The following RUBCN variants were observed in gnomAD, a reference collection of about 807,000 sequenced individuals.
The protein encoded by RUBCN is rubicon autophagy regulator, also known as run domain Beclin-1-interacting and cysteine-rich domain-containing protein.
In RUBCN, 74 loss-of-function variants were observed where a neutral mutation model predicts 113.2. The observed-to-expected ratio is 0.65, with a 90% CI of 0.54 to 0.79. RUBCN has a LOEUF of 0.79. Ranked by LOEUF, RUBCN falls within the 30% of genes least tolerant of loss-of-function variation. The probability of loss-of-function intolerance (pLI) is 0.00; values close to 1 mark genes in which losing one functional copy is unlikely to be tolerated. For missense variants in RUBCN, 1,109 were observed against 1,251.7 expected (o/e 0.89, Z 1.72); for synonymous variants, 480 against 490.0 (o/e 0.98, Z 0.27).
chr3:197,728,345 T>C (rs1017851859), intron 1 of RUBCN, among the ~76,000 whole-genome samples: 2 of 152,252 alleles, frequency 1.3e-5, no homozygotes, highest in Admixed American at 1.3e-4. Flanking sequence ...GGTATGTTTC[T>C]GTAATTTTTG....
At chr3:197,680,038 A>G (rs1380297038) in intron 16 of RUBCN, among the ~76,000 whole-genome samples, 4 of 148,126 alleles carry the variant, frequency 2.7e-5, no homozygotes, top group South Asian at 2.2e-4. Flanking sequence ...AGACTGTCCT[A>G]CGCTCTGACA....
chr3:197,694,372 G>A lies in RUBCN; in HGVS notation c.1684+3C>T, dbSNP rs1437871236. On this transcript the variant is annotated splice_donor_region_variant and intron_variant, in intron 10 of 19. Transcript: ENST00000296343. ...AACAGAAGCATCCACAGGCTCCACT[G>A]ACTTCCGTGCTCAGCCTCCTGGTAC... The A allele has an allele frequency of 6.2e-7, 1 of 1,613,992 alleles. No individual in the cohort carries two copies. The highest frequency in any genetic ancestry group is 8.5e-7 in the Non-Finnish European group (1 of 1,179,830).
At chr3:197,711,920 T>C (rs1210511702) in intron 2 of RUBCN, among the ~76,000 whole-genome samples, 1 of 152,182 alleles carries the variant, frequency 6.6e-6, no homozygotes, top group Non-Finnish European at 1.5e-5. Context: ...ACCTCAATGT[T>C]AGAGTGGTGA....
intron 7 of RUBCN, among the ~76,000 whole-genome samples, chr3:197,700,149 C>T (rs753485885): frequency 3.9e-5 from 6 of 152,200 alleles, no homozygotes; most frequent in Non-Finnish European, 7.3e-5. Context: ...GTTGCTGGAT[C>T]GCATCACCCT....
chr3:197,723,820 C>T (rs796318699), intron 1 of RUBCN, among the ~76,000 whole-genome samples: 13 of 152,234 alleles, frequency 8.5e-5, no homozygotes, highest in African/African-American at 2.4e-4. Flanking sequence ...CCCAGCCAGG[C>T]GCAGTGGCTC....
chr3:197,744,458 A>G (rs1344975634), intron 1 of RUBCN, among the ~76,000 whole-genome samples: 1 of 152,214 alleles, frequency 6.6e-6, no homozygotes, highest in Non-Finnish European at 1.5e-5. Context: ...AAAACTCAGC[A>G]TTTATTCATG....
intron 2 of RUBCN, among the ~76,000 whole-genome samples, chr3:197,715,537 G>A (rs923019222): frequency 2.0e-5 from 3 of 149,898 alleles, no homozygotes; most frequent in Non-Finnish European, 4.4e-5. Context: ...GCACATACTA[G>A]GAGAGCTCTT....
chr3:197,687,671 C>T (rs1023384807), intron 11 of RUBCN, among the ~76,000 whole-genome samples: 10 of 152,214 alleles, frequency 6.6e-5, no homozygotes, highest in Non-Finnish European at 1.3e-4. Context: ...CGGCACCTGC[C>T]GGAAGAGCTT....
chr3:197,712,639 G>C (rs1306442435), intron 2 of RUBCN, among the ~76,000 whole-genome samples: 1 of 152,174 alleles, frequency 6.6e-6, no homozygotes, highest in African/African-American at 2.4e-5. Context: ...GCCTGCAGTT[G>C]CTAAATGTGT....
Position 197,669,022 on chromosome 3 carries a change from G to A in RUBCN, c.*5996C>T, listed in dbSNP as rs1280477096. On this transcript the variant is annotated 3_prime_UTR_variant, in exon 20 of 20. Coordinates refer to ENST00000296343, the MANE Select transcript of RUBCN (RefSeq NM_014687.4). Reference sequence around the variant, plus strand: ...ATGTATTTTTTCTAACCATATTTTTGCATAACTGTAATTATGATGTACATA... The same window carrying A: ...ATGTATTTTTTCTAACCATATTTTTACATAACTGTAATTATGATGTACATA... Among the ~76,000 whole-genome samples the A allele has an allele frequency of 2.0e-5, 3 of 152,022 alleles. No individual in the cohort carries two copies. The highest frequency in any genetic ancestry group is 7.2e-5 in the African/African-American group (3 of 41,388).
chr3:197,698,335 G>A (rs1020269744), intron 7 of RUBCN, among the ~76,000 whole-genome samples: 1 of 152,298 alleles, frequency 6.6e-6, no homozygotes, highest in East Asian at 1.9e-4. Flanking sequence ...AGGAGGCCAC[G>A]GCTTTCAGCC....
intron 2 of RUBCN, among the ~76,000 whole-genome samples, chr3:197,708,701 G>T (rs1005337432): frequency 1.3e-5 from 2 of 152,110 alleles, no homozygotes; most frequent in Non-Finnish European, 2.9e-5. Context: ...CACCAATTGA[G>T]TTGTGGCTTA....
intron 2 of RUBCN, among the ~76,000 whole-genome samples, chr3:197,716,894 G>T (rs1187631694): frequency 6.6e-6 from 1 of 152,110 alleles, no homozygotes; most frequent in Non-Finnish European, 1.5e-5. Context: ...GCTAAGGCAG[G>T]AGGGTCACTT....
At chr3:197,676,220 G>A (rs1720398124) in intron 18 of RUBCN, 1 of 990,486 alleles carries the variant, frequency 1.0e-6, no homozygotes, top group Non-Finnish European at 1.2e-6. Flanking sequence ...GGCCTCAGAG[G>A]GGACAAAGTA....
intron 1 of RUBCN, among the ~76,000 whole-genome samples, chr3:197,723,365 T>C (rs996886843): frequency 6.6e-6 from 1 of 152,110 alleles, no homozygotes; most frequent in Non-Finnish European, 1.5e-5. Context: ...TTTGTATTTT[T>C]AGTAGAGACG....
At chr3:197,737,899 C>A (rs773029883), upstream of RUBCN, among the ~76,000 whole-genome samples, 1 of 151,974 alleles carries the variant, frequency 6.6e-6, no homozygotes, top group Non-Finnish European at 1.5e-5. Context: ...TCTCTTTTTT[C>A]TTTTTCAAAG....
rs949127510 is a variant in RUBCN at position 197,682,028 on chromosome 3, T to TA, written c.2127-130dup. 27 of 765,748 alleles carry TA rather than the reference T, an allele frequency of 3.5e-5. No homozygotes were observed. In the Admixed American group the frequency reaches 4.4e-4, roughly 12 times the overall value. 47.4% of individuals were successfully genotyped at this position (765,748 alleles called of 1,614,324 possible). A position where few individuals can be genotyped will look rare whatever the true frequency, so the allele number is the denominator to read the frequency against. ...AAGAGAGGGGAATTCACCTACATTT[T>TA]AGTTGGACAAAAATGAACCTATTGG... is the stretch of plus-strand genomic sequence containing the variant. On this transcript the variant is annotated intron_variant, in intron 14 of 19. Coordinates refer to ENST00000296343, the MANE Select transcript of RUBCN (RefSeq NM_014687.4).
At chr3:197,736,001 G>A (rs1467608388) in intron 1 of RUBCN, among the ~76,000 whole-genome samples, 1 of 152,192 alleles carries the variant, frequency 6.6e-6, no homozygotes, top group Admixed American at 6.5e-5. Flanking sequence ...GAGGAAAAAG[G>A]GACAGGTTTG....
intron 1 of RUBCN, among the ~76,000 whole-genome samples, chr3:197,744,536 T>C (rs1728659965): frequency 1.3e-5 from 2 of 152,330 alleles, no homozygotes; most frequent in South Asian, 4.1e-4. Context: ...TTTTAAAAAT[T>C]AGCATCATAC....
Sources: gnomAD v4.1 joint callset for allele counts (sites outside exome capture counted in the v4.1 genomes callset) on GRCh38, gnomAD v4.1.1 for gene constraint, MANE v1.5 for transcripts, NCBI Gene and HGNC (gene_info 2026-07-23, HGNC 2026-07-21) for gene names.